The following EBF1 variants were observed in gnomAD, a reference collection of about 807,000 sequenced individuals.
EBF1 encodes transcription factor COE1.
Under a neutral mutation model 68.4 loss-of-function variants are expected in EBF1, and 10 were observed. The ratio of observed to expected loss-of-function variants is 0.15; its 90% CI spans 0.09 to 0.25. The LOEUF is 0.25. Among genes scored for constraint, EBF1 ranks in the 10% least tolerant of loss-of-function variants. EBF1 has a pLI of 1.00. For missense variants in EBF1, 509 were observed against 794.4 expected (o/e 0.64, Z 4.32); for synonymous variants, 298 against 299.8 (o/e 0.99, Z 0.06).
chr5:158,851,723 A>AT (rs201368095), intron 6 of EBF1, among the ~76,000 whole-genome samples: 2 of 90,794 alleles, frequency 2.2e-5, no homozygotes, highest in African/African-American at 8.2e-5. Context: ...AGGGAAGGAA[A>AT]GAAAGGAAGG....
intron 10 of EBF1, 97 bp from the exon 11 acceptor site, chr5:158,731,254 A>C: frequency 9.2e-7 from 1 of 1,087,834 alleles, no homozygotes; most frequent in Non-Finnish European, 1.4e-6. Context: ...GGAAGTCCAA[A>C]GTTTAACTGA....
chr5:158,844,427 T>C (rs1223183212), intron 6 of EBF1, among the ~76,000 whole-genome samples: 2 of 152,154 alleles, frequency 1.3e-5, no homozygotes, highest in Admixed American at 6.5e-5. Flanking sequence ...TTAAGGGATT[T>C]ATCTACAGTC....
chr5:158,900,897 AG>A (rs1474702629), intron 6 of EBF1, among the ~76,000 whole-genome samples: 2 of 150,062 alleles, frequency 1.3e-5, no homozygotes, highest in East Asian at 3.9e-4. Context: ...CCAAAGCCTA[AG>A]AGATCTCTTC....
chr5:158,793,252 T>C (rs1452439138), intron 9 of EBF1, among the ~76,000 whole-genome samples: 1 of 152,230 alleles, frequency 6.6e-6, no homozygotes, highest in African/African-American at 2.4e-5. Flanking sequence ...TGTTAGCTAA[T>C]ATTAGTCACA....
At chr5:158,883,335 C>T (rs1057174122) in intron 6 of EBF1, among the ~76,000 whole-genome samples, 14 of 131,950 alleles carry the variant, frequency 1.1e-4, no homozygotes, top group Admixed American at 2.2e-4. Context: ...TATATACACA[C>T]ACATACATGC....
At chr5:159,099,237 C>G (rs1322899364) in intron 1 of EBF1, 108 bp downstream of exon 1, 2 of 957,600 alleles carry the variant, frequency 2.1e-6, no homozygotes, top group Non-Finnish European at 2.7e-6. Flanking sequence ...TGCGGACTCA[C>G]CCCGCCGCCC....
chr5:159,041,822 C>G (rs535243767), intron 6 of EBF1, among the ~76,000 whole-genome samples: 1 of 152,256 alleles, frequency 6.6e-6, no homozygotes, highest in South Asian at 2.1e-4. Context: ...AGGGTCAGCT[C>G]ACTGTTATTT....
intron 6 of EBF1, among the ~76,000 whole-genome samples, chr5:159,072,894 C>A (rs1778080089): frequency 6.6e-6 from 1 of 152,100 alleles, no homozygotes; most frequent in South Asian, 2.1e-4. Flanking sequence ...GCAATCAAAT[C>A]CGGCAAATAA....
chr5:158,817,508 G>A (rs73816067), intron 8 of EBF1, among the ~76,000 whole-genome samples: 5,835 of 152,150 alleles, frequency 0.038, 366 homozygotes, highest in African/African-American at 0.13. Context: ...GATGCAGCCT[G>A]GAAGCCCTCA....
At chr5:158,711,674 CT>C (rs374478313) in intron 14 of EBF1, among the ~76,000 whole-genome samples, 6,855 of 146,440 alleles carry the variant, frequency 0.047, 560 homozygotes, top group East Asian at 0.23. Context: ...TTTTTGTTTG[CT>C]TTTTTTTTTT....
intron 8 of EBF1, among the ~76,000 whole-genome samples, chr5:158,818,747 A>T (rs1784227918): frequency 6.6e-6 from 1 of 152,224 alleles, no homozygotes; most frequent in African/African-American, 2.4e-5. Flanking sequence ...CTAAATTTCA[A>T]TCATTTTCCA....
intron 15 of EBF1, among the ~76,000 whole-genome samples, chr5:158,701,261 C>T (rs1408095487): frequency 6.6e-6 from 1 of 151,720 alleles, no homozygotes; most frequent in African/African-American, 2.4e-5. Context: ...CAGGCAGTAT[C>T]AATATGATTC....
intron 10 of EBF1, among the ~76,000 whole-genome samples, chr5:158,734,478 T>C (rs1271706739): frequency 6.6e-6 from 1 of 152,138 alleles, no homozygotes; most frequent in Non-Finnish European, 1.5e-5. Context: ...TGACTATTCA[T>C]AAACTCTCTG....
intron 6 of EBF1, among the ~76,000 whole-genome samples, chr5:159,024,225 A>T (rs191499965): frequency 6.6e-6 from 1 of 152,220 alleles, no homozygotes. Flanking sequence ...CACTTTTCGT[A>T]GACTACTAAT....
chr5:158,894,501 T>A (rs927002904), intron 6 of EBF1, among the ~76,000 whole-genome samples: 1 of 152,222 alleles, frequency 6.6e-6, no homozygotes, highest in Non-Finnish European at 1.5e-5. Flanking sequence ...TACCCTGGGT[T>A]AAGTTCCATC....
At chr5:158,757,201 A>AT (rs1770315249) in intron 10 of EBF1, among the ~76,000 whole-genome samples, 3 of 152,142 alleles carry the variant, frequency 2.0e-5, no homozygotes, top group Admixed American at 2.0e-4. Flanking sequence ...TTCAAAAGGC[A>AT]TGCTACATGC....
intron 6 of EBF1, among the ~76,000 whole-genome samples, chr5:159,001,957 G>A (rs62385402): frequency 3.9e-5 from 6 of 152,144 alleles, no homozygotes; most frequent in African/African-American, 7.2e-5. Context: ...CTGCGTGCAC[G>A]CATGTGTGTA....
chr5:158,852,717 CTT>C (rs754862956), intron 6 of EBF1, among the ~76,000 whole-genome samples: 1 of 152,130 alleles, frequency 6.6e-6, no homozygotes, highest in Non-Finnish European at 1.5e-5. Context: ...GAGTCTGACA[CTT>C]TATTAAGCAC....
chr5:158,759,597 G>A (rs973377180), intron 10 of EBF1, among the ~76,000 whole-genome samples: 2 of 152,104 alleles, frequency 1.3e-5, no homozygotes, highest in African/African-American at 4.8e-5. Context: ...AGTGTACCTG[G>A]GTGATGCTGT....
Sources: gnomAD v4.1 joint callset for allele counts (sites outside exome capture counted in the v4.1 genomes callset) on GRCh38, gnomAD v4.1.1 for gene constraint, MANE v1.5 for transcripts, NCBI Gene and HGNC (gene_info 2026-07-23, HGNC 2026-07-21) for gene names.